Variants in CLDN6 observed in about 807,000 individuals in gnomAD.
CLDN6 encodes the protein claudin 6.
For synonymous variants in CLDN6, 144 were observed against 131.2 expected, an observed-to-expected ratio of 1.10 and a Z score of -0.67; for missense variants, 279 against 284.1, an observed-to-expected ratio of 0.98 and a Z score of 0.13.
In CLDN6 at chr16:3,015,525, A is replaced by G; in HGVS notation, c.497T>C (p.Leu166Ser). The G allele has an allele frequency of 1.2e-6, 2 of 1,612,768 alleles. No individual in the cohort carries two copies. The highest frequency in any genetic ancestry group is 1.7e-6 in the Non-Finnish European group (2 of 1,179,820). Residue 166 changes from leucine (L) to serine (S), a missense_variant, in exon 2 of 2, where the codon TTG (leucine) becomes TCG (serine). Transcript: ENST00000328796. Reference sequence around the variant, plus strand: ...CAAAAGGCCTGAGGCCGCCCAGCCCAAGTAGAGGGAGGCCCCCAGCTCCCG... The same window carrying G: ...CAAAAGGCCTGAGGCCGCCCAGCCCGAGTAGAGGGAGGCCCCCAGCTCCCG... The part of the protein sequence containing the change: ...QKRELGASLY[L>S]GWAASGLLLL...
chr16:3,015,913 C>G lies in CLDN6; in HGVS notation c.109G>C (p.Gly37Arg). The change falls in exon 2 of 2, where the codon GGC (glycine) becomes CGC (arginine). Residue 37 changes from glycine (G) to arginine (R), a missense_variant. Transcript: ENST00000328796. Reference sequence around the variant, plus strand: ...ACCTGGGCCACCACGATGCTGTTGCCGATGAAAGCGGTCACCTTCCACATG... The same window carrying G: ...ACCTGGGCCACCACGATGCTGTTGCGGATGAAAGCGGTCACCTTCCACATG... Reference protein sequence around the residue: ...LPMWKVTAFIGNSIVVAQVVW... With the variant: ...LPMWKVTAFIRNSIVVAQVVW... 6.2e-7 allele frequency: 1 copy of G among 1,614,244 alleles called. No homozygotes were observed. Among genetic ancestry groups the G allele is most frequent in the East Asian group, 2.2e-5 (1 of 44,888 alleles).
rs2072556594 is a variant in CLDN6, at chr16:3,015,100, T to G, written c.*259A>C. On this transcript the variant is annotated 3_prime_UTR_variant, in exon 2 of 2. Coordinates refer to ENST00000328796, the MANE Select transcript of CLDN6 (RefSeq NM_021195.5). ...CATTAGTTCCATAGCTTGACTGGCTTCTAAGATGGGCATGTCAAGATCCAG... is the reference window on the plus strand; with the variant it reads ...CATTAGTTCCATAGCTTGACTGGCTGCTAAGATGGGCATGTCAAGATCCAG... The G allele has an allele frequency of 2.2e-6, 1 of 446,576 alleles. No individual in the cohort carries two copies. The highest frequency in any genetic ancestry group is 3.9e-6 in the Non-Finnish European group (1 of 254,512). 27.7% of individuals were successfully genotyped at this position (446,576 alleles called of 1,614,324 possible).
chr16:3,015,572 G>A lies in CLDN6; in HGVS notation c.450C>T (p.Pro150=), dbSNP rs1488922603. Residue 150 remains proline (P), a synonymous_variant, in exon 2 of 2, where the codon CCC becomes CCT. Coordinates refer to ENST00000328796, the MANE Select transcript of CLDN6 (RefSeq NM_021195.5). Reference sequence around the variant, plus strand: ...CCCGCTTTTGGGCCTCAGCCACCAGGGGGTTATAGAAGTCCCGGATGATGG... The same window carrying A: ...CCCGCTTTTGGGCCTCAGCCACCAGAGGGTTATAGAAGTCCCGGATGATGG... ...AHAIIRDFYN[P]LVAEAQKREL... The A allele has an allele frequency of 7.4e-6, 12 of 1,613,166 alleles. No homozygotes were observed. The highest frequency in any genetic ancestry group is 1.3e-5 in the African/African-American group (1 of 75,066).
rs777127335 is a variant in CLDN6 at position 3,015,678 on chromosome 16, G to A, written c.344C>T (p.Ala115Val). The A allele has an allele frequency of 2.5e-6, 4 of 1,613,492 alleles. No homozygotes were observed. Among genetic ancestry groups the A allele is most frequent in the African/African-American group, 2.7e-5 (2 of 74,954 alleles). The change falls in exon 2 of 2, where the codon GCC becomes GTC. Residue 115 changes from alanine (A) to valine (V), a missense_variant. Ala to Val is a moderately conservative substitution (Grantham distance 64). Transcript: ENST00000328796. ...AATCCCAGAGGTGAGCACCAGGCGG[G>A]CCTTGGAATCCTTCTCCTCCACACA... ...TTCVEEKDSKARLVLTSGIVF... is the reference protein window; with the variant it reads ...TTCVEEKDSKVRLVLTSGIVF...
At position 3,015,380 on chromosome 16, in the gene CLDN6, G is replaced by C. The variant is rs1179234859; in HGVS notation, c.642C>G (p.Tyr214Ter). 1.3e-6 allele frequency: 2 copies of C among 1,523,862 alleles called. No homozygotes were observed. The highest frequency in any genetic ancestry group is 2.8e-5 in the African/African-American group (2 of 71,770). 94.4% of individuals were successfully genotyped at this position (1,523,862 alleles called of 1,614,324 possible). ...APAISRGPSE[Y>*]PTKNYV ...CACGTCAGACGTAATTCTTGGTAGG[G>C]TACTCAGAGGGCCCCCGAGAGATGG... Residue 214 changes from tyrosine (Y) to a stop codon, truncating the protein, a stop_gained, in exon 2 of 2, where the codon TAC becomes TAG. Transcript: ENST00000328796. LOFTEE classifies it high-confidence loss of function.
Position 3,015,634 on chromosome 16 carries a change from C to T in CLDN6, c.388G>A (p.Val130Ile). 1.9e-6 allele frequency: 3 copies of T among 1,613,288 alleles called. No individual in the cohort carries two copies. The highest frequency in any genetic ancestry group is 2.5e-6 in the Non-Finnish European group (3 of 1,180,034). The change falls in exon 2 of 2, where the codon GTC becomes ATC. Residue 130 changes from valine (V) to isoleucine (I), a missense_variant. Transcript: ENST00000328796. ...CAGCACACGGGGATTAGCGTCAGGA[C>T]CCCTGAGATGACAAAGACAATCCCA... ...TSGIVFVISG[V>I]LTLIPVCWTA...
intron 1 of CLDN6, among the ~76,000 whole-genome samples, chr16:3,017,857 A>AGGGGGAG (rs1324245637): frequency 1.9e-4 from 20 of 103,712 alleles, no homozygotes; most frequent in African/African-American, 7.1e-4. Flanking sequence ...CCCCCAGGTG[A>AGGGGGAG]GGGGGAGGGG....
intron 1 of CLDN6, 53 bp from the exon 2 acceptor site, chr16:3,016,095 A>G: frequency 6.6e-7 from 1 of 1,511,670 alleles, no homozygotes; most frequent in Non-Finnish European, 9.0e-7. Flanking sequence ...CCCAGACCTC[A>G]GGCCACATGT....
Position 3,015,942 on chromosome 16 carries a change from AG to A in CLDN6, c.79del (p.Leu27CysfsTer6). 6.2e-7 allele frequency: 1 copy of A among 1,614,220 alleles called. No homozygotes were observed. Among genetic ancestry groups the A allele is most frequent in the Non-Finnish European group, 8.5e-7 (1 of 1,180,044 alleles). ...GWVNGLVSCA[L>X]PMWKVTAFIG... ...GAAAGCGGTCACCTTCCACATGGGC[AG>A]GGCACAGGAGACCAGGCCATTCACC... On this transcript the variant is annotated frameshift_variant, in exon 2 of 2. Coordinates refer to ENST00000328796, the MANE Select transcript of CLDN6 (RefSeq NM_021195.5). LOFTEE classifies it low-confidence loss of function (END_TRUNC).
At position 3,015,634 on chromosome 16, in the gene CLDN6, C is replaced by G. The variant is rs138377300; in HGVS notation, c.388G>C (p.Val130Leu). 0.016 allele frequency: 26,530 copies of G among 1,613,280 alleles called. 308 individuals are homozygous for G. Among genetic ancestry groups the G allele is most frequent in the Non-Finnish European group, 0.019 (22,035 of 1,180,028 alleles). Residue 130 changes from valine to leucine, a missense_variant, in exon 2 of 2, where the codon GTC becomes CTC. Val to Leu is a conservative substitution (Grantham distance 32, BLOSUM62 1). Coordinates refer to ENST00000328796, the MANE Select transcript of CLDN6 (RefSeq NM_021195.5). ...TSGIVFVISG[V>L]LTLIPVCWTA... ...CAGCACACGGGGATTAGCGTCAGGA[C>G]CCCTGAGATGACAAAGACAATCCCA...
At position 3,015,495 on chromosome 16, in the gene CLDN6, A is replaced by G; in HGVS notation, c.527T>C (p.Leu176Pro). 8 of 1,609,868 alleles carry G rather than the reference A, an allele frequency of 5.0e-6. No individual in the cohort carries two copies. Among genetic ancestry groups the G allele is most frequent in the Non-Finnish European group, 6.8e-6 (8 of 1,178,006 alleles). ...LGWAASGLLLLGGGLLCCTCP... is the reference protein window; with the variant it reads ...LGWAASGLLLPGGGLLCCTCP... ...AGTGCAGCACAGCAACCCCCCACCC[A>G]GCAACAAAAGGCCTGAGGCCGCCCA... Residue 176 changes from leucine (L) to proline (P), a missense_variant, in exon 2 of 2, where the codon CTG becomes CCG. Transcript: ENST00000328796.
intron 1 of CLDN6, among the ~76,000 whole-genome samples, chr16:3,017,384 T>C (rs1158764724): frequency 6.6e-6 from 1 of 152,168 alleles, no homozygotes; most frequent in Non-Finnish European, 1.5e-5. Flanking sequence ...ACACCAGTTC[T>C]CCCACCGCCA....
rs75985830 is a variant in CLDN6 at position 3,014,875 on chromosome 16, G to C, written c.*484C>G. 111 of 362,360 alleles carry C rather than the reference G, an allele frequency of 3.1e-4. No homozygotes were observed. The highest frequency in any genetic ancestry group is 2.0e-3 in the African/African-American group (98 of 47,982). 22.4% of individuals were successfully genotyped at this position (362,360 alleles called of 1,614,324 possible). A position where few individuals can be genotyped will look rare whatever the true frequency, so the allele number is the denominator to read the frequency against. ...GTCTTATCAGGACGGAGGAAACAGA[G>C]GTCAGAAGTTCCGGAGGTGGGCAGT... is the stretch of plus-strand genomic sequence containing the variant. On this transcript the variant is annotated 3_prime_UTR_variant, in exon 2 of 2. Coordinates refer to ENST00000328796, the MANE Select transcript of CLDN6 (RefSeq NM_021195.5).
At position 3,015,665 on chromosome 16, in the gene CLDN6, G is replaced by A. The variant is rs1464249858; in HGVS notation, c.357C>T (p.Leu119=). Residue 119 remains leucine, a synonymous_variant, in exon 2 of 2, where the codon CTC becomes CTT. Coordinates refer to ENST00000328796, the MANE Select transcript of CLDN6 (RefSeq NM_021195.5). ...EEKDSKARLV[L]TSGIVFVISG... is the part of the protein sequence containing the mutation. Reference sequence around the variant, plus strand: ...AGATGACAAAGACAATCCCAGAGGTGAGCACCAGGCGGGCCTTGGAATCCT... The same window carrying A: ...AGATGACAAAGACAATCCCAGAGGTAAGCACCAGGCGGGCCTTGGAATCCT... 3.7e-6 allele frequency: 6 copies of A among 1,613,522 alleles called. No individual in the cohort carries two copies. Among genetic ancestry groups the A allele is most frequent in the Admixed American group, 1.7e-5 (1 of 60,030 alleles).
rs377640915 is a variant in CLDN6 at position 3,015,502 on chromosome 16, A to G, written c.520T>C (p.Leu174=). ...CACAGCAACCCCCCACCCAGCAACA[A>G]AAGGCCTGAGGCCGCCCAGCCCAAG... The part of the protein sequence containing the change: ...LYLGWAASGL[L]LLGGGLLCCT... The change falls in exon 2 of 2, where the codon TTG becomes CTG. Residue 174 remains leucine (L), a synonymous_variant. Coordinates refer to ENST00000328796, the MANE Select transcript of CLDN6 (RefSeq NM_021195.5). 2.3e-4 allele frequency: 376 copies of G among 1,610,664 alleles called. 1 individual carries two copies. In the African/African-American group the frequency reaches 4.5e-3, roughly 19 times the overall value.
chr16:3,015,497 C>A lies in CLDN6; in HGVS notation c.525G>T (p.Leu175Phe). The A allele has an allele frequency of 1.2e-6, 2 of 1,610,056 alleles. No individual in the cohort carries two copies. The highest frequency in any genetic ancestry group is 1.7e-6 in the Non-Finnish European group (2 of 1,178,060). Residue 175 changes from leucine (L) to phenylalanine (F), a missense_variant, in exon 2 of 2, where the codon TTG becomes TTT. Leu to Phe is a conservative substitution (Grantham distance 22). Coordinates refer to ENST00000328796, the MANE Select transcript of CLDN6 (RefSeq NM_021195.5). Reference sequence around the variant, plus strand: ...TGCAGCACAGCAACCCCCCACCCAGCAACAAAAGGCCTGAGGCCGCCCAGC... The same window carrying A: ...TGCAGCACAGCAACCCCCCACCCAGAAACAAAAGGCCTGAGGCCGCCCAGC... ...YLGWAASGLL[L>F]LGGGLLCCTC...
chr16:3,016,753 T>C (rs2072570080), intron 1 of CLDN6, among the ~76,000 whole-genome samples: 1 of 152,064 alleles, frequency 6.6e-6, no homozygotes, highest in East Asian at 1.9e-4. Flanking sequence ...GTTCACGCCA[T>C]TCTCCTGCCT....
Position 3,015,587 on chromosome 16 carries a change from C to T in CLDN6, c.435G>A (p.Arg145=), listed in dbSNP as rs780999537. 2.5e-6 allele frequency: 4 copies of T among 1,613,092 alleles called. No individual in the cohort carries two copies. Among genetic ancestry groups the T allele is most frequent in the East Asian group, 2.2e-5 (1 of 44,896 alleles). The change falls in exon 2 of 2, where the codon CGG becomes CGA. Residue 145 remains arginine (R), a synonymous_variant. Coordinates refer to ENST00000328796, the MANE Select transcript of CLDN6 (RefSeq NM_021195.5). ...PVCWTAHAII[R]DFYNPLVAEA... is the part of the protein sequence containing the mutation. ...CAGCCACCAGGGGGTTATAGAAGTC[C>T]CGGATGATGGCATGCGCCGTCCAGC...
At chr16:3,016,084 G>A in intron 1 of CLDN6, 42 bp from the exon 2 acceptor site, 1 of 1,542,640 alleles carries the variant, frequency 6.5e-7, no homozygotes, top group Non-Finnish European at 8.8e-7. Flanking sequence ...GGCCTGGCAG[G>A]CCCAGACCTC....
Sources: allele counts gnomAD v4.1 joint callset (sites outside exome capture counted in the v4.1 genomes callset), GRCh38; gene constraint gnomAD v4.1.1; transcripts MANE v1.5; gene names NCBI Gene and HGNC (gene_info 2026-07-23, HGNC 2026-07-21).